Variants in RFX8 observed in about 807,000 individuals in gnomAD.
RFX8 encodes regulatory factor X8, also known as DNA-binding protein RFX8.
RFX8 carries 46 observed loss-of-function variants against 54.6 expected under a neutral mutation model. That is an observed-to-expected ratio of 0.84 (90% CI 0.67 to 1.08). RFX8 has a LOEUF of 1.08. Among genes scored for constraint, RFX8 ranks in the 50% least tolerant of loss-of-function variants. The pLI is 0.00. For synonymous variants in RFX8, 192 were observed against 209.5 expected, an observed-to-expected ratio of 0.92 and a Z score of 0.72; for missense variants, 536 against 562.3, an observed-to-expected ratio of 0.95 and a Z score of 0.47.
chr2:101,406,687 A>G (rs185712183), intron 9 of RFX8, among the ~76,000 whole-genome samples: 123 of 152,306 alleles, frequency 8.1e-4, no homozygotes, highest in African/African-American at 2.9e-3. Context: ...TGTGACACAG[A>G]AACACCGTAG....
chr2:101,471,849 G>A (rs1418438411), intron 1 of RFX8, among the ~76,000 whole-genome samples: 1 of 152,192 alleles, frequency 6.6e-6, no homozygotes, highest in African/African-American at 2.4e-5. Context: ...CCTAACAAGC[G>A]ACTGATTAGA....
chr2:101,463,320 T>C (rs768402735), intron 2 of RFX8, among the ~76,000 whole-genome samples: 2 of 152,204 alleles, frequency 1.3e-5, no homozygotes, highest in Non-Finnish European at 2.9e-5. Flanking sequence ...GACCACCCTC[T>C]TCCCTGGTGT....
intron 7 of RFX8, among the ~76,000 whole-genome samples, chr2:101,414,322 C>T (rs1686352152): frequency 6.6e-6 from 1 of 152,056 alleles, no homozygotes; most frequent in Non-Finnish European, 1.5e-5. Context: ...GGCTGGAGTA[C>T]AGTGGCACAA....
Position 101,404,674 on chromosome 2 carries a change from C to G in RFX8, c.928+1269G>C, listed in dbSNP as rs550988177. On this transcript the variant is annotated intron_variant, in intron 10 of 11. Transcript: ENST00000428343. ...ACTCCCAGGCTCAAGAGATCTGTGT[C>G]CCTCAGTCTCCCAAACTGCTGGGAT... Among the ~76,000 whole-genome samples the G allele has an allele frequency of 3.9e-5, 6 of 152,070 alleles. No individual in the cohort carries two copies. The South Asian group carries it at 1.2e-3, about 32-fold the overall frequency.
chr2:101,419,084 G>A (rs930629621), intron 4 of RFX8, 120 bp from the exon 5 acceptor site: 1 of 616,326 alleles, frequency 1.6e-6, no homozygotes, highest in Non-Finnish European at 2.9e-6. Context: ...TCCAGTGCGT[G>A]TAAAGCTTTG....
At chr2:101,409,086 C>T (rs1183961089) in intron 9 of RFX8, among the ~76,000 whole-genome samples, 1 of 152,200 alleles carries the variant, frequency 6.6e-6, no homozygotes, top group Admixed American at 6.5e-5. Flanking sequence ...TATTTTAATC[C>T]TGCACATGCT....
intron 2 of RFX8, among the ~76,000 whole-genome samples, chr2:101,445,940 T>A (rs939638204): frequency 6.6e-6 from 1 of 152,216 alleles, no homozygotes; most frequent in Non-Finnish European, 1.5e-5. Context: ...TGAGACCTAA[T>A]TTTTAAGAGG....
At chr2:101,415,869 C>CT (rs1325195105) in intron 6 of RFX8, among the ~76,000 whole-genome samples, 4 of 152,248 alleles carry the variant, frequency 2.6e-5, no homozygotes, top group African/African-American at 9.6e-5. Flanking sequence ...GAAAGCTTCA[C>CT]TGCGAAGGTG....
intron 2 of RFX8, among the ~76,000 whole-genome samples, chr2:101,465,253 C>T (rs1176599164): frequency 6.6e-6 from 1 of 152,202 alleles, no homozygotes; most frequent in Non-Finnish European, 1.5e-5. Context: ...TGGCTTACCC[C>T]TATAATCCCA....
At chr2:101,417,077 T>C (rs1686565178) in intron 6 of RFX8, among the ~76,000 whole-genome samples, 1 of 152,156 alleles carries the variant, frequency 6.6e-6, no homozygotes. Flanking sequence ...TCACCAGCAC[T>C]AAAAGCCAGA....
chr2:101,438,266 A>G lies in RFX8; in HGVS notation c.73-15794T>C, dbSNP rs532404398. On this transcript the variant is annotated intron_variant, in intron 2 of 11. Transcript: ENST00000428343. ...ATCATCAGCTGTTGTGCTAGTGAAT[A>G]TTAGATCTTATTCATTATGTATGTT... is the stretch of plus-strand genomic sequence containing the variant. 3.3e-5 allele frequency among the ~76,000 whole-genome samples: 5 copies of G among 152,320 alleles called. No homozygotes were observed. In the East Asian group the frequency reaches 9.6e-4, roughly 29 times the overall value.
chr2:101,406,407 C>A (rs1205755815), intron 9 of RFX8, among the ~76,000 whole-genome samples: 1 of 151,002 alleles, frequency 6.6e-6, no homozygotes, highest in Non-Finnish European at 1.5e-5. Context: ...TCTTGGCCCA[C>A]TGCAGCCTTG....
At chr2:101,460,557 C>T (rs1689211219) in intron 2 of RFX8, among the ~76,000 whole-genome samples, 1 of 152,012 alleles carries the variant, frequency 6.6e-6, no homozygotes, top group African/African-American at 2.4e-5. Context: ...TCATGACAAG[C>T]GTGGCATCCA....
At chr2:101,429,160 C>A in intron 2 of RFX8, 1 of 569,838 alleles carries the variant, frequency 1.8e-6, no homozygotes, top group Non-Finnish European at 3.1e-6. Flanking sequence ...TTTCTATCCA[C>A]GAATGGTAAT....
intron 9 of RFX8, among the ~76,000 whole-genome samples, chr2:101,407,880 C>T (rs1685838051): frequency 6.6e-6 from 1 of 152,196 alleles, no homozygotes; most frequent in Non-Finnish European, 1.5e-5. Context: ...AGGGCCCGAA[C>T]TGCCCTCTGC....
chr2:101,436,703 G>C (rs938301), intron 2 of RFX8, among the ~76,000 whole-genome samples: 115,076 of 152,050 alleles, frequency 0.76, 44,511 homozygotes, highest in Middle Eastern at 0.88. Context: ...CAATAGAGAT[G>C]GCATTCGTAA....
intron 9 of RFX8, among the ~76,000 whole-genome samples, chr2:101,409,899 A>AT (rs1685997334): frequency 6.6e-6 from 1 of 152,048 alleles, no homozygotes; most frequent in African/African-American, 2.4e-5. Context: ...TCAGCTCTCC[A>AT]CTGCCCCCAT....
chr2:101,405,904 A>C (rs1200042833), intron 10 of RFX8, 39 bp downstream of exon 10: 1 of 1,254,620 alleles, frequency 8.0e-7, no homozygotes. Flanking sequence ...ACATTTTTAA[A>C]AGGTAGAATA....
chr2:101,413,849 C>A (rs1224049888), intron 7 of RFX8, among the ~76,000 whole-genome samples: 1 of 152,116 alleles, frequency 6.6e-6, no homozygotes, highest in Non-Finnish European at 1.5e-5. Flanking sequence ...GGGACACAAC[C>A]CCGCTGAGCT....
Sources: allele counts gnomAD v4.1 joint callset (sites outside exome capture counted in the v4.1 genomes callset), GRCh38; gene constraint gnomAD v4.1.1; transcripts MANE v1.5; gene names NCBI Gene and HGNC (gene_info 2026-07-23, HGNC 2026-07-21).